The following APOE variants were observed in gnomAD, a reference collection of about 807,000 sequenced individuals.
APOE encodes apolipoprotein E3.
In APOE, 10 loss-of-function variants were observed where a neutral mutation model predicts 13.1. The observed-to-expected ratio is 0.76, with a 90% confidence interval of 0.47 to 1.29. The LOEUF (loss-of-function observed/expected upper bound fraction) is 1.29. APOE is among the 50% of genes most tolerant of loss of function. The pLI, the probability that APOE is intolerant of heterozygous loss-of-function variation, is 0.00. For missense variants in APOE, 471 were observed against 459.6 expected (o/e 1.02, Z -0.23); for synonymous variants, 211 against 207.1 (o/e 1.02, Z -0.16).
At position 44,906,675 on chromosome 19, in the gene APOE, G is replaced by A. The variant is rs761968063; in HGVS notation, c.43+8G>A. ...TGGTCACATTCCTGGCAGGTATGGG[G>A]GCGGGGCTTGCTCGGTTCCCCCCGC... is the stretch of plus-strand genomic sequence containing the variant. On this transcript the variant is annotated splice_region_variant and intron_variant, in intron 2 of 3. Transcript: ENST00000252486. 1.9e-6 allele frequency: 3 copies of A among 1,613,818 alleles called. No homozygotes were observed. The highest frequency in any genetic ancestry group is 1.7e-5 in the Admixed American group (1 of 60,004).
Position 44,908,889 on chromosome 19 carries a change from G to A in APOE, c.593G>A (p.Arg198His). Residue 198 changes from arginine to histidine, a missense_variant, in exon 4 of 4, where the codon CGC becomes CAC. Arg to His is a conservative substitution (Grantham distance 29). Coordinates refer to ENST00000252486, the MANE Select transcript of APOE (RefSeq NM_000041.4). ...CGCGGCCTCAGCGCCATCCGCGAGC[G>A]CCTGGGGCCCCTGGTGGAACAGGGC... ...AERGLSAIRE[R>H]LGPLVEQGRV... The A allele has an allele frequency of 2.7e-6, 4 of 1,481,148 alleles. No individual in the cohort carries two copies. Among genetic ancestry groups the A allele is most frequent in the Non-Finnish European group, 2.7e-6 (3 of 1,123,920 alleles). The allele number at this position is 1,481,148 out of a possible 1,614,324, so 91.8% of individuals were successfully genotyped here.
chr19:44,908,064 G>A (rs529662056), intron 3 of APOE, 112 bp downstream of exon 3: 2 of 1,015,626 alleles, frequency 2.0e-6, no homozygotes, highest in South Asian at 2.8e-5. Context: ...GGTCTCTGCT[G>A]GTTCTAGCTT....
At chr19:44,908,475 T>G in intron 3 of APOE, 58 bp from the exon 4 acceptor site, 2 of 1,326,424 alleles carry the variant, frequency 1.5e-6, no homozygotes, top group Non-Finnish European at 2.1e-6. Context: ...GCCCGCCCCA[T>G]CCCAGCCCTT....
Position 44,906,696 on chromosome 19 carries a change from C to G in APOE, c.43+29C>G, listed in dbSNP as rs368711626. ...TGGGGGCGGGGCTTGCTCGGTTCCC[C>G]CCGCTCCTCCCCCTCTCATCCTCAC... is the stretch of plus-strand genomic sequence containing the variant. On this transcript the variant is annotated intron_variant, in intron 2 of 3. Transcript: ENST00000252486. 9.3e-6 allele frequency: 15 copies of G among 1,609,292 alleles called. No homozygotes were observed. The South Asian group carries it at 1.5e-4, about 17-fold the overall frequency.
intron 1 of APOE, 96 bp from the exon 2 acceptor site, chr19:44,906,506 C>T: frequency 6.1e-6 from 8 of 1,322,192 alleles, no homozygotes; most frequent in Non-Finnish European, 7.6e-6. Context: ...TGCAACAAGG[C>T]TTGGAAGGCT....
Position 44,909,307 on chromosome 19 carries a change from C to T in APOE, c.*57C>T. The T allele has an allele frequency of 6.6e-7, 1 of 1,518,976 alleles. No individual in the cohort carries two copies. Among genetic ancestry groups the T allele is most frequent in the South Asian group, 1.1e-5 (1 of 88,484 alleles). 94.1% of individuals were successfully genotyped at this position (1,518,976 alleles called of 1,614,324 possible). ...CCACCCCGTGCCTCCTGCCTCCGCG[C>T]AGCCTGCAGCGGGAGACCCTGTCCC... On this transcript the variant is annotated 3_prime_UTR_variant, in exon 4 of 4. Transcript: ENST00000252486.
At position 44,907,596 on chromosome 19, in the gene APOE, A is replaced by G. The variant is rs1014390166; in HGVS notation, c.44-164A>G. Among the ~76,000 whole-genome samples, 1 of 152,142 alleles carries G rather than the reference A, an allele frequency of 6.6e-6. No individual in the cohort carries two copies. Among genetic ancestry groups the G allele is most frequent in the Non-Finnish European group, 1.5e-5 (1 of 68,014 alleles). On this transcript the variant is annotated intron_variant, in intron 2 of 3. Transcript: ENST00000252486. The surrounding 1 kb of genome is among the most constrained non-coding windows in gnomAD (Gnocchi z 4.1). ...TGGGTGACAGAGCAAGACCCTGTTT[A>G]TAAATACATAATGCTTTCCAAGTGA...
intron 2 of APOE, 79 bp downstream of exon 2, chr19:44,906,746 C>T: frequency 1.4e-6 from 2 of 1,443,366 alleles, no homozygotes; most frequent in Non-Finnish European, 9.7e-7. Context: ...CCCATTCAGG[C>T]AGACCCTGGG....
rs745950059 is a variant in APOE, at chr19:44,909,096, A to G, written c.800A>G (p.Gln267Arg). Residue 267 changes from glutamine to arginine, a missense_variant, in exon 4 of 4, where the codon CAG (glutamine) becomes CGG (arginine). Physicochemically the swap from Gln to Arg is conservative, Grantham distance 43 (BLOSUM62 1). Coordinates refer to ENST00000252486, the MANE Select transcript of APOE (RefSeq NM_000041.4). ...GCCAAGCTGGAGGAGCAGGCCCAGC[A>G]GATACGCCTGCAGGCCGAGGCCTTC... The part of the protein sequence containing the change: ...VRAKLEEQAQ[Q>R]IRLQAEAFQA... 6.3e-7 allele frequency: 1 copy of G among 1,587,520 alleles called. No homozygotes were observed. The highest frequency in any genetic ancestry group is 8.5e-7 in the Non-Finnish European group (1 of 1,172,148).
chr19:44,908,842 C>CAGT lies in APOE; in HGVS notation c.546_547insAGT (p.Ala182_Gly183insSer). 6.5e-7 allele frequency: 1 copy of CAGT among 1,529,852 alleles called. No individual in the cohort carries two copies. The highest frequency in any genetic ancestry group is 8.7e-7 in the Non-Finnish European group (1 of 1,143,360). The allele number at this position is 1,529,852 out of a possible 1,614,324, so 94.8% of individuals were successfully genotyped here. On this transcript the variant is annotated inframe_insertion, in exon 4 of 4. Coordinates refer to ENST00000252486, the MANE Select transcript of APOE (RefSeq NM_000041.4). ...AGAAGCGCCTGGCAGTGTACCAGGCCGGGGCCCGCGAGGGCGCCGAGCGCG... is the reference window on the plus strand; with the variant it reads ...AGAAGCGCCTGGCAGTGTACCAGGCCAGTGGGGCCCGCGAGGGCGCCGAGCGCG...
Position 44,908,791 on chromosome 19 carries a change from GCTC to G in APOE, c.500_502del (p.Leu167del), listed in dbSNP as rs515726148. 4.1e-5 allele frequency: 64 copies of G among 1,553,850 alleles called. No homozygotes were observed. The highest frequency in any genetic ancestry group is 9.6e-5 in the Admixed American group (5 of 52,124). ...CCCACCTGCGCAAGCTGCGTAAGCG[GCTC>G]CTCCGCGATGCCGATGACCTGCAGA... On this transcript the variant is annotated inframe_deletion, in exon 4 of 4. Transcript: ENST00000252486.
chr19:44,908,389 T>C, intron 3 of APOE, 144 bp from the exon 4 acceptor site: 1 of 831,694 alleles, frequency 1.2e-6, no homozygotes, highest in East Asian at 2.7e-5. Context: ...TCTCTGCATC[T>C]GTCTCTGTCT....
rs771354248 is a variant in APOE at position 44,909,043 on chromosome 19, G to A, written c.747G>A (p.Glu249=). 119 of 1,554,240 alleles carry A rather than the reference G, an allele frequency of 7.7e-5. No individual in the cohort carries two copies. Among genetic ancestry groups the A allele is most frequent in the Non-Finnish European group, 1.0e-4 (118 of 1,155,556 alleles). Residue 249 remains glutamate, a synonymous_variant, in exon 4 of 4, where the codon GAG becomes GAA. Coordinates refer to ENST00000252486, the MANE Select transcript of APOE (RefSeq NM_000041.4). ...GCCGGACCCGCGACCGCCTGGACGA[G>A]GTGAAGGAGCAGGTGGCGGAGGTGC... ...MGSRTRDRLD[E]VKEQVAEVRA... is the part of the protein sequence containing the mutation.
chr19:44,908,406 C>A, intron 3 of APOE, 127 bp from the exon 4 acceptor site: 1 of 932,558 alleles, frequency 1.1e-6, no homozygotes, highest in Non-Finnish European at 1.7e-6. Context: ...GTCTCCTTCT[C>A]TCGGCCTCTG....
chr19:44,908,513 TCCCG>T lies in APOE; in HGVS notation c.237-16_237-13del, dbSNP rs377486301. The T allele has an allele frequency of 1.7e-3, 2,561 of 1,491,394 alleles. 60 individuals carry two copies. The South Asian group carries it at 0.027, about 16-fold the overall frequency. 92.4% of individuals were successfully genotyped at this position (1,491,394 alleles called of 1,614,324 possible). On this transcript the variant is annotated splice_polypyrimidine_tract_variant and intron_variant, in intron 3 of 3. Transcript: ENST00000252486. ...CCCCGCCTCCCACTGTGCGACACCC[TCCCG>T]CCCTCTCGGCCGCAGGGCGCTGATG...
chr19:44,909,225 C>T lies in APOE; in HGVS notation c.929C>T (p.Ala310Val). 6.3e-7 allele frequency: 1 copy of T among 1,597,058 alleles called. No homozygotes were observed. Among genetic ancestry groups the T allele is most frequent in the Non-Finnish European group, 8.5e-7 (1 of 1,179,210 alleles). ...KVQAAVGTSA[A>V]PVPSDNH is the part of the protein sequence containing the mutation. The stretch of plus-strand genomic sequence containing the variant: ...CAGGCTGCCGTGGGCACCAGCGCCG[C>T]CCCTGTGCCCAGCGACAATCACTGA... The change falls in exon 4 of 4, where the codon GCC becomes GTC. Residue 310 changes from alanine (A) to valine (V), a missense_variant. Physicochemically the swap from Ala to Val is moderately conservative, Grantham distance 64. Transcript: ENST00000252486.
chr19:44,907,977 GACC>G lies in APOE; in HGVS notation c.236+26_236+28del. Reference sequence around the variant, plus strand: ...GGTGAGTGTCCCCATCCTGGCCCTTGACCCTCCTGGTGGGCGGCTATACCTCCC... The same window carrying G: ...GGTGAGTGTCCCCATCCTGGCCCTTGCTCCTGGTGGGCGGCTATACCTCCC... On this transcript the variant is annotated intron_variant, in intron 3 of 3. Transcript: ENST00000252486. The surrounding 1 kb of genome is among the most constrained non-coding windows in gnomAD (Gnocchi z 4.1). 1 of 1,609,074 alleles carries G rather than the reference GACC, an allele frequency of 6.2e-7. No homozygotes were observed. Among genetic ancestry groups the G allele is most frequent in the Non-Finnish European group, 8.5e-7 (1 of 1,178,136 alleles).
At position 44,906,659 on chromosome 19, in the gene APOE, T is replaced by A. The variant is rs747078681; in HGVS notation, c.35T>A (p.Phe12Tyr). ...KVLWAALLVT[F>Y]LAGCQAKVEQ... ...CTGTGGGCTGCGTTGCTGGTCACAT[T>A]CCTGGCAGGTATGGGGGCGGGGCTT... Residue 12 changes from phenylalanine (F) to tyrosine (Y), a missense_variant, in exon 2 of 4, where the codon TTC becomes TAC. Physicochemically the swap from Phe to Tyr is conservative, Grantham distance 22. Transcript: ENST00000252486. The A allele has an allele frequency of 1.4e-5, 23 of 1,613,892 alleles. No homozygotes were observed. Among genetic ancestry groups the A allele is most frequent in the Non-Finnish European group, 1.9e-5 (23 of 1,179,962 alleles).
At position 44,908,754 on chromosome 19, in the gene APOE, T is replaced by A; in HGVS notation, c.458T>A (p.Val153Glu). 1 of 1,559,608 alleles carries A rather than the reference T, an allele frequency of 6.4e-7. No homozygotes were observed. The highest frequency in any genetic ancestry group is 8.7e-7 in the Non-Finnish European group (1 of 1,153,672). Residue 153 changes from valine to glutamate, a missense_variant, in exon 4 of 4, where the codon GTG becomes GAG. Coordinates refer to ENST00000252486, the MANE Select transcript of APOE (RefSeq NM_000041.4). ...GGCCAGAGCACCGAGGAGCTGCGGGTGCGCCTCGCCTCCCACCTGCGCAAG... is the reference window on the plus strand; with the variant it reads ...GGCCAGAGCACCGAGGAGCTGCGGGAGCGCCTCGCCTCCCACCTGCGCAAG... ...MLGQSTEELR[V>E]RLASHLRKLR...
Sources: gnomAD v4.1 joint callset for allele counts (sites outside exome capture counted in the v4.1 genomes callset) on GRCh38, gnomAD v4.1.1 for gene constraint, Gnocchi (gnomAD v3.1) non-coding constraint, MANE v1.5 for transcripts, NCBI Gene and HGNC (gene_info 2026-07-23, HGNC 2026-07-21) for gene names.